The following ADGRG1 variants were observed in gnomAD, a reference collection of about 807,000 sequenced individuals.
ADGRG1 encodes the protein adhesion G protein-coupled receptor G1.
A neutral mutation model predicts 73.5 loss-of-function variants in ADGRG1; 53 were observed. The ratio of observed to expected loss-of-function variants is 0.72; its 90% CI spans 0.58 to 0.91. ADGRG1 has a LOEUF of 0.91. ADGRG1 is among the 40% of genes least tolerant of loss of function. The pLI is 0.00. For synonymous variants in ADGRG1, 394 were observed against 374.4 expected (o/e 1.05, Z -0.60); for missense variants, 795 against 871.8 (o/e 0.91, Z 1.11).
In ADGRG1 at chr16:57,655,000, G is replaced by GT. The variant is rs1409403405; in HGVS notation, c.769-398dup. 45 of 954,180 alleles carry GT rather than the reference G, an allele frequency of 4.7e-5. No individual in the cohort carries two copies. The African/African-American group carries it at 8.0e-4, about 17-fold the overall frequency. The allele number at this position is 954,180 out of a possible 1,614,324, so 59.1% of individuals were successfully genotyped here. ...CTCTCAAAGTGCTGGGATTACAGGC[G>GT]TGAGCCACTGCACCCAGCCACACAC... On this transcript the variant is annotated intron_variant, in intron 5 of 13. Coordinates refer to ENST00000562631, the MANE Select transcript of ADGRG1 (RefSeq NM_201525.4).
At chr16:57,635,025 A>C in intron 1 of ADGRG1, 2 of 985,134 alleles carry the variant, frequency 2.0e-6, no homozygotes, top group Non-Finnish European at 2.4e-6. Flanking sequence ...GATGGGAGGG[A>C]GCAGAGGGGG....
intron 1 of ADGRG1, chr16:57,643,549 C>G: frequency 2.0e-6 from 2 of 984,286 alleles, no homozygotes; most frequent in Non-Finnish European, 2.4e-6. Flanking sequence ...GAGGCCTGAG[C>G]TGGCGGTATG....
intron 13 of ADGRG1, chr16:57,662,978 C>T: frequency 2.0e-6 from 2 of 985,062 alleles, no homozygotes; most frequent in Non-Finnish European, 2.4e-6. Context: ...AACATTCAAG[C>T]CTTCATTCCT....
chr16:57,625,492 G>C (rs1394425484), upstream of ADGRG1: 2 of 835,118 alleles, frequency 2.4e-6, no homozygotes, highest in African/African-American at 3.7e-5. Context: ...CTCCTCCCCC[G>C]CTCTTCCCCC....
chr16:57,632,134 C>A (rs2038119869), intron 1 of ADGRG1: 1 of 985,346 alleles, frequency 1.0e-6, no homozygotes, highest in Admixed American at 6.1e-5. Context: ...GGGAGGCTTA[C>A]CCAGTGAGCA....
At chr16:57,621,853 G>C in intron 2 of ADGRG1, 1 of 985,314 alleles carries the variant, frequency 1.0e-6, no homozygotes, top group Non-Finnish European at 1.2e-6. Flanking sequence ...GAGGTAAGGG[G>C]ATGCTGGTGA....
upstream of ADGRG1, chr16:57,624,613 C>A: frequency 4.7e-6 from 2 of 422,558 alleles, no homozygotes; most frequent in Non-Finnish European, 6.3e-6. Context: ...AATGCTGCTG[C>A]TCTGGCCAGA....
chr16:57,634,205 G>A (rs1386034063), intron 1 of ADGRG1: 1 of 985,336 alleles, frequency 1.0e-6, no homozygotes, highest in African/African-American at 1.7e-5. Context: ...GTCCTTGGCT[G>A]AGTCTGGGCC....
intron 1 of ADGRG1, among the ~76,000 whole-genome samples, chr16:57,639,090 T>C (rs1339163754): frequency 2.0e-5 from 3 of 151,948 alleles, no homozygotes; most frequent in Non-Finnish European, 4.4e-5. Flanking sequence ...AAAAAAGATT[T>C]GGTTTTAAAG....
intron 1 of ADGRG1, 149 bp from the exon 2 acceptor site, chr16:57,650,104 G>A (rs1324735780): frequency 6.8e-7 from 1 of 1,462,460 alleles, no homozygotes; most frequent in Non-Finnish European, 9.0e-7. Flanking sequence ...AGCGGCCTCT[G>A]GCCGCTCTGG....
At chr16:57,634,374 G>T (rs2038820126) in intron 1 of ADGRG1, 1 of 985,302 alleles carries the variant, frequency 1.0e-6, no homozygotes, top group South Asian at 4.7e-5. Flanking sequence ...TGTGCCCTCT[G>T]CCCACTGCTC....
At chr16:57,663,360 G>A (rs2047722326) in intron 13 of ADGRG1, 92 bp from the exon 14 acceptor site, 1 of 1,572,438 alleles carries the variant, frequency 6.4e-7, no homozygotes, top group East Asian at 2.3e-5. Flanking sequence ...TGGAGAGGTG[G>A]GGCAGACCCG....
At chr16:57,634,826 A>C (rs1174451828) in intron 1 of ADGRG1, among the ~76,000 whole-genome samples, 1 of 152,162 alleles carries the variant, frequency 6.6e-6, no homozygotes, top group Non-Finnish European at 1.5e-5. Flanking sequence ...CGGAGTCGCT[A>C]TGTCCTTAAG....
intron 8 of ADGRG1, 51 bp from the exon 9 acceptor site, chr16:57,656,463 G>A: frequency 6.3e-7 from 1 of 1,582,974 alleles, no homozygotes; most frequent in East Asian, 2.2e-5. Flanking sequence ...GGACACAGTG[G>A]GGTCCTGGAG....
At chr16:57,631,869 C>G in intron 1 of ADGRG1, 1 of 979,552 alleles carries the variant, frequency 1.0e-6, no homozygotes, top group Non-Finnish European at 1.2e-6. Context: ...CCTGTAGATT[C>G]TGGTCTTAGG....
At chr16:57,643,786 C>T (rs3785327) in intron 1 of ADGRG1, 12 of 984,428 alleles carry the variant, frequency 1.2e-5, no homozygotes, top group African/African-American at 1.7e-5. Flanking sequence ...CTTGGACTTC[C>T]GTCACTCACT....
At chr16:57,648,079 C>T (rs1301137413) in intron 1 of ADGRG1, 5 of 152,244 alleles carry the variant, frequency 3.3e-5, no homozygotes, top group Admixed American at 3.3e-4. Flanking sequence ...GTCACTGGCC[C>T]TCTTTGGGCC....
Position 57,659,541 on chromosome 16 carries a change from G to A in ADGRG1, c.1415G>A (p.Ser472Asn). Residue 472 changes from serine to asparagine, a missense_variant, in exon 11 of 14, where the codon AGT becomes AAT. Transcript: ENST00000562631. ...GGCTCTGAGGCTGGCTGCCGAGCCA[G>A]TGCCATCTTCCTGCACTTCTCCCTG... ...LTGSEAGCRA[S>N]AIFLHFSLLT... The A allele has an allele frequency of 6.2e-7, 1 of 1,614,166 alleles. No homozygotes were observed. The highest frequency in any genetic ancestry group is 8.5e-7 in the Non-Finnish European group (1 of 1,180,026).
intron 1 of ADGRG1, among the ~76,000 whole-genome samples, chr16:57,649,219 C>T (rs1439028045): frequency 6.6e-6 from 1 of 152,206 alleles, no homozygotes; most frequent in Non-Finnish European, 1.5e-5. Context: ...AGGAAGCGCC[C>T]TTCCCCTCTG....
Sources: allele counts gnomAD v4.1 joint callset (sites outside exome capture counted in the v4.1 genomes callset), GRCh38; gene constraint gnomAD v4.1.1; transcripts MANE v1.5; gene names NCBI Gene and HGNC (gene_info 2026-07-23, HGNC 2026-07-21).